The following ECH1 variants were observed in gnomAD, a reference collection of about 807,000 sequenced individuals.
ECH1 encodes enoyl-CoA hydratase 1.
Under a neutral mutation model 37.0 loss-of-function variants are expected in ECH1, and 30 were observed. That is an observed-to-expected ratio of 0.81 (90% CI 0.61 to 1.10). The LOEUF is 1.10. ECH1 is among the 50% of genes least tolerant of loss of function. The probability of loss-of-function intolerance (pLI) is 0.00; values close to 1 mark genes in which losing one functional copy is unlikely to be tolerated. For synonymous variants in ECH1, 178 were observed against 176.0 expected (o/e 1.01, Z -0.09); for missense variants, 456 against 441.6 (o/e 1.03, Z -0.29).
At chr19:38,817,628 A>C (rs1971600356) in intron 3 of ECH1, 53 bp from the exon 4 acceptor site, 1 of 1,537,512 alleles carries the variant, frequency 6.5e-7, no homozygotes. Flanking sequence ...CCACCCATTG[A>C]CTCAACCAGG....
At chr19:38,816,556 T>G in intron 6 of ECH1, 33 bp from the exon 7 acceptor site, 2 of 1,611,734 alleles carry the variant, frequency 1.2e-6, no homozygotes, top group Non-Finnish European at 1.7e-6. Flanking sequence ...GTTTGGTTTC[T>G]GCCCAATACT....
At chr19:38,823,547 GCTCT>G (rs923341286) in intron 3 of ECH1, among the ~76,000 whole-genome samples, 12 of 152,180 alleles carry the variant, frequency 7.9e-5, no homozygotes, top group African/African-American at 2.7e-4. Context: ...CTGGGAAAGG[GCTCT>G]CTAACAACTC....
chr19:38,821,873 G>A (rs1971668450), intron 3 of ECH1, among the ~76,000 whole-genome samples: 1 of 152,254 alleles, frequency 6.6e-6, no homozygotes, highest in Admixed American at 6.5e-5. Context: ...CAAGGGCTGA[G>A]GAGTGCTCCG....
chr19:38,815,710 C>G lies in ECH1; in HGVS notation c.890G>C (p.Trp297Ser), dbSNP rs769380241. ...VAESLNYVAS[W>S]NMSMLQTQDL... ...TTGGGTCTGCAGCATGCTCATGTTC[C>G]AGGACGCCTGGTACCGAGGGTGTTG... Residue 297 changes from tryptophan to serine, a missense_variant, in exon 10 of 10, where the codon TGG becomes TCG. Coordinates refer to ENST00000221418, the MANE Select transcript of ECH1 (RefSeq NM_001398.3). 6.2e-7 allele frequency: 1 copy of G among 1,614,150 alleles called. No homozygotes were observed.
At chr19:38,821,074 T>C (rs1226881345) in intron 3 of ECH1, among the ~76,000 whole-genome samples, 16 of 152,014 alleles carry the variant, frequency 1.1e-4, no homozygotes, top group Non-Finnish European at 1.5e-5. Flanking sequence ...AGATCAGGGG[T>C]TCGAGACCAG....
chr19:38,817,915 T>G (rs528997336), intron 3 of ECH1: 1 of 246,732 alleles, frequency 4.1e-6, no homozygotes, highest in South Asian at 1.5e-4. Flanking sequence ...AATGAACTAT[T>G]TAAATTAACT....
rs148751434 is a variant in ECH1 at position 38,826,705 on chromosome 19, A to G, written c.349+4373T>C. 8.9e-3 allele frequency among the ~76,000 whole-genome samples: 1,350 copies of G among 152,282 alleles called. 18 individuals carry two copies. Among genetic ancestry groups the G allele is most frequent in the African/African-American group, 0.031 (1,303 of 41,542 alleles). On this transcript the variant is annotated intron_variant, in intron 3 of 9. Coordinates refer to ENST00000221418, the MANE Select transcript of ECH1 (RefSeq NM_001398.3). ...GTTTCTCTTTGCCTTTGAGGATCCC[A>G]CAGACCACACGTCCCAAATTATGTG...
chr19:38,815,845 C>T lies in ECH1; in HGVS notation c.882+12G>A, dbSNP rs552130567. The T allele has an allele frequency of 1.1e-5, 17 of 1,614,122 alleles. No individual in the cohort carries two copies. The highest frequency in any genetic ancestry group is 4.0e-5 in the African/African-American group (3 of 75,050). Reference sequence around the variant, plus strand: ...AGAGGAGGGCTGTGATTGGTCGGAGCGTGCACCTTACCACGTAGTTGAGGC... The same window carrying T: ...AGAGGAGGGCTGTGATTGGTCGGAGTGTGCACCTTACCACGTAGTTGAGGC... On this transcript the variant is annotated intron_variant, in intron 9 of 9. Transcript: ENST00000221418.
intron 3 of ECH1, chr19:38,820,484 G>A (rs1415710461): frequency 6.6e-6 from 1 of 152,188 alleles, no homozygotes; most frequent in Non-Finnish European, 1.5e-5. Context: ...TACAAGCTGT[G>A]ATTATTGGGT....
intron 3 of ECH1, among the ~76,000 whole-genome samples, chr19:38,822,237 T>C (rs1164968746): frequency 6.6e-6 from 1 of 152,004 alleles, no homozygotes; most frequent in African/African-American, 2.4e-5. Context: ...ATCAGCACTC[T>C]GTGTCTAGCT....
Position 38,827,046 on chromosome 19 carries a change from A to AGAAGGAGGG in ECH1, c.349+4023_349+4031dup, listed in dbSNP as rs774537137. 1.8e-3 allele frequency among the ~76,000 whole-genome samples: 241 copies of AGAAGGAGGG among 132,666 alleles called. 2 individuals carry two copies. The highest frequency in any genetic ancestry group is 5.9e-3 in the African/African-American group (214 of 35,994). The allele number at this position is 132,666 out of a possible 152,430, so 87.0% of individuals were successfully genotyped here. ...GAGAGGGAGGACAGGGAGGAGAGGG[A>AGAAGGAGGG]GAAGGAGGGGAAGGAGGGGAAGGAG... On this transcript the variant is annotated intron_variant, in intron 3 of 9. Transcript: ENST00000221418.
chr19:38,828,513 T>C (rs1439131963), intron 3 of ECH1, among the ~76,000 whole-genome samples: 1 of 152,188 alleles, frequency 6.6e-6, no homozygotes, highest in Non-Finnish European at 1.5e-5. Flanking sequence ...ATTACAGGCA[T>C]GAGCCACTGA....
rs772049868 is a variant in ECH1 at position 38,819,406 on chromosome 19, C to T, written c.350-1831G>A. ...CTGGCTCAACGATGGCCCCATCCCC[C>T]GCATCCTGACCCCGCCTTACCTCCG... On this transcript the variant is annotated intron_variant, in intron 3 of 9. Coordinates refer to ENST00000221418, the MANE Select transcript of ECH1 (RefSeq NM_001398.3). Among the ~76,000 whole-genome samples the T allele has an allele frequency of 1.2e-4, 19 of 152,204 alleles. No individual in the cohort carries two copies. In the East Asian group the frequency reaches 3.1e-3, roughly 25 times the overall value.
At chr19:38,821,651 C>T (rs1299268087) in intron 3 of ECH1, among the ~76,000 whole-genome samples, 3 of 152,232 alleles carry the variant, frequency 2.0e-5, no homozygotes, top group East Asian at 1.9e-4. Flanking sequence ...CCAGCAGCTG[C>T]GGAGGGTACA....
At chr19:38,829,256 G>C (rs1344101006) in intron 3 of ECH1, among the ~76,000 whole-genome samples, 1 of 129,846 alleles carries the variant, frequency 7.7e-6, no homozygotes, top group South Asian at 2.4e-4. Flanking sequence ...CTGTACTCCA[G>C]CCTGGTCAAC....
Position 38,831,293 on chromosome 19 carries a change from G to C in ECH1, c.260+16C>G. The C allele has an allele frequency of 6.2e-7, 1 of 1,607,846 alleles. No homozygotes were observed. Among genetic ancestry groups the C allele is most frequent in the Non-Finnish European group, 8.5e-7 (1 of 1,175,468 alleles). On this transcript the variant is annotated intron_variant, in intron 2 of 9. Transcript: ENST00000221418. ...CCTCCCCCCGCAGGCAGGCCTCCAG[G>C]ATCTGCAGGTCAGACCTCCAGAAGA...
Position 38,819,862 on chromosome 19 carries a change from G to A in ECH1, c.350-2287C>T, listed in dbSNP as rs577297834. Among the ~76,000 whole-genome samples, 4 of 151,938 alleles carry A rather than the reference G, an allele frequency of 2.6e-5. No individual in the cohort carries two copies. The East Asian group carries it at 5.9e-4, about 22-fold the overall frequency. On this transcript the variant is annotated intron_variant, in intron 3 of 9. Coordinates refer to ENST00000221418, the MANE Select transcript of ECH1 (RefSeq NM_001398.3). ...AGCACTTTCGGAGGCTGAGGTGGGCGGATCGTTTGAGCCCAGGAGTTGCAG... is the reference window on the plus strand; with the variant it reads ...AGCACTTTCGGAGGCTGAGGTGGGCAGATCGTTTGAGCCCAGGAGTTGCAG...
intron 3 of ECH1, among the ~76,000 whole-genome samples, chr19:38,819,573 C>G (rs550409646): frequency 6.6e-6 from 1 of 152,166 alleles, no homozygotes; most frequent in South Asian, 2.1e-4. Flanking sequence ...CAGGGCCTGG[C>G]GCACACGAGC....
chr19:38,817,396 C>A, intron 4 of ECH1, 32 bp from the exon 5 acceptor site: 1 of 1,606,882 alleles, frequency 6.2e-7, no homozygotes, highest in Non-Finnish European at 8.5e-7. Flanking sequence ...GGGGTCAGGG[C>A]TGGCCCAGGG....
Sources: gnomAD v4.1 joint callset for allele counts (sites outside exome capture counted in the v4.1 genomes callset) on GRCh38, gnomAD v4.1.1 for gene constraint, MANE v1.5 for transcripts, NCBI Gene and HGNC (gene_info 2026-07-23, HGNC 2026-07-21) for gene names.